The following TMEM220 variants were observed in gnomAD, a reference collection of about 807,000 sequenced individuals.
TMEM220 encodes the protein transmembrane protein 220.
In TMEM220, 21 loss-of-function variants were observed where a neutral mutation model predicts 21.7. The ratio of observed to expected loss-of-function variants is 0.97; its 90% CI spans 0.69 to 1.39. The LOEUF (loss-of-function observed/expected upper bound fraction) is 1.39. Ranked by LOEUF, TMEM220 falls within the 40% of genes most tolerant of loss-of-function variation. The probability of loss-of-function intolerance (pLI) is 0.00; values close to 1 mark genes in which losing one functional copy is unlikely to be tolerated. For synonymous variants in TMEM220, 80 were observed against 73.6 expected (o/e 1.09, Z -0.45); for missense variants, 191 against 201.9 (o/e 0.95, Z 0.33).
At chr17:10,716,065 A>T (rs775706996) in intron 5 of TMEM220, 4 of 725,482 alleles carry the variant, frequency 5.5e-6, no homozygotes, top group Admixed American at 2.0e-5. Flanking sequence ...CCACATCAAT[A>T]TTCAGTTTAG....
chr17:10,728,493 T>A (rs1214524713), intron 2 of TMEM220, among the ~76,000 whole-genome samples: 1 of 151,982 alleles, frequency 6.6e-6, no homozygotes, highest in Non-Finnish European at 1.5e-5. Flanking sequence ...TATTTTTTGG[T>A]GGAGACGGGG....
chr17:10,723,403 AC>A, intron 4 of TMEM220, 74 bp from the exon 5 acceptor site: 1 of 1,078,282 alleles, frequency 9.3e-7, no homozygotes, highest in Non-Finnish European at 1.4e-6. Context: ...TCTCTCCATG[AC>A]CACCTGATAG....
At chr17:10,728,839 T>C (rs561775787) in intron 2 of TMEM220, among the ~76,000 whole-genome samples, 192 bp downstream of exon 2, 1 of 152,180 alleles carries the variant, frequency 6.6e-6, no homozygotes, top group African/African-American at 2.4e-5. Context: ...AGTTCGAAAT[T>C]CACACACACA....
At chr17:10,719,648 T>C (rs2074965155) in intron 5 of TMEM220, among the ~76,000 whole-genome samples, 1 of 152,190 alleles carries the variant, frequency 6.6e-6, no homozygotes, top group Admixed American at 6.5e-5. Flanking sequence ...CTTGGGTAAG[T>C]TACATTACAA....
intron 5 of TMEM220, among the ~76,000 whole-genome samples, chr17:10,721,472 G>A (rs935222256): frequency 2.6e-5 from 4 of 151,866 alleles, no homozygotes; most frequent in Admixed American, 1.3e-4. Context: ...GGATGTGGTG[G>A]CACCTGCCTG....
chr17:10,716,573 AC>A, intron 5 of TMEM220: 1 of 534,672 alleles, frequency 1.9e-6, no homozygotes, highest in Non-Finnish European at 3.7e-6. Flanking sequence ...CGCGGTCTGC[AC>A]CCAACACTCT....
chr17:10,715,975 T>C, intron 5 of TMEM220: 2 of 426,220 alleles, frequency 4.7e-6, no homozygotes, highest in South Asian at 5.5e-5. Context: ...GATAATCATT[T>C]ATAGTTTATA....
intron 5 of TMEM220, among the ~76,000 whole-genome samples, chr17:10,722,610 T>C (rs2075005781): frequency 6.6e-6 from 1 of 152,226 alleles, no homozygotes; most frequent in African/African-American, 2.4e-5. Context: ...CCATTTACTC[T>C]TTTCCAGCTT....
chr17:10,723,283 G>C lies in TMEM220; in HGVS notation c.334C>G (p.His112Asp). 2.5e-6 allele frequency: 4 copies of C among 1,614,036 alleles called. No individual in the cohort carries two copies. Among genetic ancestry groups the C allele is most frequent in the Non-Finnish European group, 3.4e-6 (4 of 1,179,960 alleles). ...TTGAATACTTACTTTGAGGAACTGT[G>C]GCACAGGATAATCCATGCTGTAATA... ...VIITAWIILC[H>D]SSSKNPVGGR... is the part of the protein sequence containing the mutation. The change falls in exon 5 of 6, where the codon CAC becomes GAC. Residue 112 changes from histidine (H) to aspartate (D), a missense_variant. Coordinates refer to ENST00000341871, the MANE Select transcript of TMEM220 (RefSeq NM_001004313.3).
At chr17:10,729,741 G>A in intron 1 of TMEM220, 39 bp downstream of exon 1, 1 of 1,326,260 alleles carries the variant, frequency 7.5e-7, no homozygotes, top group Non-Finnish European at 9.7e-7. Flanking sequence ...GGCGGAGCTG[G>A]GAGCCGGGCG....
At position 10,715,382 on chromosome 17, in the gene TMEM220, G is replaced by T; in HGVS notation, c.*71C>A. ...CCAAATTACCTGAAATAAACTCCTGGCTTGTTCCCCTAATGTTTATAAAAA... is the reference window on the plus strand; with the variant it reads ...CCAAATTACCTGAAATAAACTCCTGTCTTGTTCCCCTAATGTTTATAAAAA... On this transcript the variant is annotated 3_prime_UTR_variant, in exon 6 of 6. Coordinates refer to ENST00000341871, the MANE Select transcript of TMEM220 (RefSeq NM_001004313.3). 4 of 1,434,268 alleles carry T rather than the reference G, an allele frequency of 2.8e-6. No homozygotes were observed. Among genetic ancestry groups the T allele is most frequent in the Admixed American group, 2.4e-5 (1 of 41,574 alleles). The allele number at this position is 1,434,268 out of a possible 1,614,324, so 88.8% of individuals were successfully genotyped here.
chr17:10,725,726 A>G (rs1432177574), intron 3 of TMEM220, among the ~76,000 whole-genome samples: 2 of 152,206 alleles, frequency 1.3e-5, no homozygotes, highest in East Asian at 3.9e-4. Context: ...CCTTTTCAGT[A>G]AACTGTACCA....
intron 2 of TMEM220, among the ~76,000 whole-genome samples, chr17:10,726,608 A>C (rs1329933726): frequency 6.6e-6 from 1 of 152,228 alleles, no homozygotes; most frequent in East Asian, 1.9e-4. Context: ...CCCCACTTGC[A>C]TAAAAGAAAA....
chr17:10,712,450 C>G (rs1265568842), downstream of TMEM220, among the ~76,000 whole-genome samples: 2 of 152,170 alleles, frequency 1.3e-5, 1 homozygote, highest in Admixed American at 1.3e-4. Context: ...ACATGTATCT[C>G]TCTGAGGGCC....
chr17:10,723,454 T>C, intron 4 of TMEM220, 125 bp from the exon 5 acceptor site: 1 of 723,480 alleles, frequency 1.4e-6, no homozygotes, highest in South Asian at 1.5e-5. Context: ...TCAAGATCTA[T>C]GGCATCGATG....
downstream of TMEM220, among the ~76,000 whole-genome samples, chr17:10,712,284 G>A (rs2074859200): frequency 1.3e-5 from 2 of 152,218 alleles, no homozygotes; most frequent in Admixed American, 6.5e-5. Flanking sequence ...TCTGCTGTCT[G>A]TAGTCAGATC....
At chr17:10,712,464 GT>G (rs1471230144), downstream of TMEM220, among the ~76,000 whole-genome samples, 1 of 152,178 alleles carries the variant, frequency 6.6e-6, no homozygotes, top group African/African-American at 2.4e-5. Context: ...GAGGGCCACT[GT>G]TCAGCTGACC....
chr17:10,721,508 C>G (rs200531634), intron 5 of TMEM220, among the ~76,000 whole-genome samples: 1 of 146,454 alleles, frequency 6.8e-6, no homozygotes, highest in Non-Finnish European at 1.5e-5. Context: ...GGGAGGCTGA[C>G]GCAGGAGAAT....
At chr17:10,718,286 T>TTAGATA (rs575288096) in intron 5 of TMEM220, among the ~76,000 whole-genome samples, 521 of 152,326 alleles carry the variant, frequency 3.4e-3, no homozygotes, top group African/African-American at 0.012. Context: ...ACAATAGTTA[T>TTAGATA]TATAGTAGTA....
Sources: gnomAD v4.1 joint callset for allele counts (sites outside exome capture counted in the v4.1 genomes callset) on GRCh38, gnomAD v4.1.1 for gene constraint, MANE v1.5 for transcripts, NCBI Gene and HGNC (gene_info 2026-07-23, HGNC 2026-07-21) for gene names.